GALNT2: variants seen among roughly 807,000 people sequenced by gnomAD.
The protein encoded by GALNT2 is UDP-GalNAc:polypeptide N-acetylgalactosaminyltransferase 2.
Under a neutral mutation model 81.4 loss-of-function variants are expected in GALNT2, and 31 were observed. That is an observed-to-expected ratio of 0.38 (90% CI 0.29 to 0.51). GALNT2 has a LOEUF of 0.51. GALNT2 is among the 20% of genes least tolerant of loss of function. The pLI, the probability that GALNT2 is intolerant of heterozygous loss-of-function variation, is 0.87. For missense variants in GALNT2, 629 were observed against 765.7 expected, an observed-to-expected ratio of 0.82 and a Z score of 2.11; for synonymous variants, 303 against 287.4, an observed-to-expected ratio of 1.05 and a Z score of -0.55.
intron 1 of GALNT2, among the ~76,000 whole-genome samples, chr1:230,075,667 G>A (rs2102747478): frequency 6.6e-6 from 1 of 152,306 alleles, no homozygotes; most frequent in South Asian, 2.1e-4. Context: ...TTGTGGTCTT[G>A]GAGCTTTCAT....
In GALNT2 at chr1:230,072,100, G is replaced by T. The variant is rs149204826; in HGVS notation, c.126+4694G>T. Among the ~76,000 whole-genome samples, 1,325 of 152,160 alleles carry T rather than the reference G, an allele frequency of 8.7e-3. 11 individuals are homozygous for T. The highest frequency in any genetic ancestry group is 0.034 in the South Asian group (162 of 4,802). On this transcript the variant is annotated intron_variant, in intron 1 of 15. Transcript: ENST00000366672. ...TCCCCACCCTAGCTCCTGTTTGGATGAATGATGGGTGAGTGGTTGGTCTCC... is the reference window on the plus strand; with the variant it reads ...TCCCCACCCTAGCTCCTGTTTGGATTAATGATGGGTGAGTGGTTGGTCTCC...
At chr1:230,263,094 G>A in intron 13 of GALNT2, 89 bp downstream of exon 13, 1 of 1,108,512 alleles carries the variant, frequency 9.0e-7, no homozygotes, top group Non-Finnish European at 1.4e-6. Context: ...TGGAGGTGGG[G>A]CTGCAGGCAT....
chr1:230,218,562 C>G (rs1288954928), intron 3 of GALNT2, among the ~76,000 whole-genome samples: 2 of 152,128 alleles, frequency 1.3e-5, no homozygotes, highest in African/African-American at 4.8e-5. Context: ...AGCTGCTATT[C>G]AGGAAGCATT....
chr1:230,201,538 T>C (rs1274010392), intron 2 of GALNT2, among the ~76,000 whole-genome samples: 2 of 152,196 alleles, frequency 1.3e-5, no homozygotes, highest in Non-Finnish European at 2.9e-5. Flanking sequence ...GGATTTCTGT[T>C]GGGAAAGTAG....
intron 1 of GALNT2, among the ~76,000 whole-genome samples, chr1:230,114,444 G>A (rs756768302): frequency 6.6e-5 from 10 of 152,204 alleles, no homozygotes; most frequent in Non-Finnish European, 8.8e-5. Flanking sequence ...ATGGGCAGAC[G>A]TTTCCCACAC....
intron 11 of GALNT2, 64 bp from the exon 12 acceptor site, chr1:230,262,509 T>C: frequency 2.1e-6 from 3 of 1,404,180 alleles, no homozygotes; most frequent in Admixed American, 3.4e-5. Flanking sequence ...AGCAGACAGG[T>C]GCAAATGGAG....
At position 230,067,257 on chromosome 1, in the gene GALNT2, C is replaced by T. The variant is rs1432278915; in HGVS notation, c.-24C>T. On this transcript the variant is annotated 5_prime_UTR_variant, in exon 1 of 16. Coordinates refer to ENST00000366672, the MANE Select transcript of GALNT2 (RefSeq NM_004481.5). ...GGCAGCACTCGCGAGCAGCGGCGGC[C>T]CCGCCGGCGGCCGAGTTGGGAGAAT... The T allele has an allele frequency of 8.6e-6, 11 of 1,282,162 alleles. No homozygotes were observed. Among genetic ancestry groups the T allele is most frequent in the Non-Finnish European group, 1.1e-5 (11 of 1,006,988 alleles). 79.4% of individuals were successfully genotyped at this position (1,282,162 alleles called of 1,614,324 possible).
At chr1:230,103,435 A>G (rs1340003916) in intron 1 of GALNT2, among the ~76,000 whole-genome samples, 1 of 152,242 alleles carries the variant, frequency 6.6e-6, no homozygotes, top group Non-Finnish European at 1.5e-5. Context: ...TTCCTGCAGC[A>G]GCCCCCCTTT....
intron 1 of GALNT2, among the ~76,000 whole-genome samples, chr1:230,149,696 T>G (rs954364211): frequency 6.6e-6 from 1 of 152,188 alleles, no homozygotes; most frequent in African/African-American, 2.4e-5. Flanking sequence ...GTTTTATGCC[T>G]CAGCCATGTA....
In GALNT2 at chr1:230,163,209, G is replaced by T. The variant is rs377137528; in HGVS notation, c.127-15009G>T. On this transcript the variant is annotated intron_variant, in intron 1 of 15. Transcript: ENST00000366672. ...ACAACAAACTTTTGTCAAAGGAATT[G>T]TTAAATCCCCCAACCTTCATGTGCA... Among the ~76,000 whole-genome samples, 60 of 152,284 alleles carry T rather than the reference G, an allele frequency of 3.9e-4. 1 individual carries two copies. In the South Asian group the frequency reaches 5.8e-3, roughly 15 times the overall value.
At chr1:230,062,982 C>G (rs887273720), upstream of GALNT2, among the ~76,000 whole-genome samples, 4 of 152,180 alleles carry the variant, frequency 2.6e-5, no homozygotes, top group Non-Finnish European at 5.9e-5. Flanking sequence ...TCTACATCCT[C>G]ACCAACACTT....
At chr1:230,129,668 C>A (rs1661305848) in intron 1 of GALNT2, among the ~76,000 whole-genome samples, 1 of 152,126 alleles carries the variant, frequency 6.6e-6, no homozygotes, top group South Asian at 2.1e-4. Context: ...AGGGTCCTTA[C>A]TTTTTTTCCC....
chr1:230,137,426 G>A (rs1013547821), intron 1 of GALNT2, among the ~76,000 whole-genome samples: 4 of 152,196 alleles, frequency 2.6e-5, no homozygotes, highest in Admixed American at 2.6e-4. Context: ...GAGCCTGCAG[G>A]CTGCAGTGGC....
In GALNT2 at chr1:230,271,093, G is replaced by T. The variant is rs1666148956; in HGVS notation, c.1441-3352G>T. Among the ~76,000 whole-genome samples, 1 of 152,190 alleles carries T rather than the reference G, an allele frequency of 6.6e-6. No individual in the cohort carries two copies. Among genetic ancestry groups the T allele is most frequent in the Non-Finnish European group, 1.5e-5 (1 of 68,044 alleles). On this transcript the variant is annotated intron_variant, in intron 14 of 15. Transcript: ENST00000366672. This position sits in a 1 kb window ranked among gnomAD's most constrained non-coding sequence, Gnocchi z 4.2. ...CAGTCTGGAACCCTTCTCCATACCA[G>T]CGTTGTCCCTCTTACTCAGGACTCT...
upstream of GALNT2, among the ~76,000 whole-genome samples, chr1:230,063,631 G>C (rs1003298720): frequency 6.6e-6 from 1 of 152,134 alleles, no homozygotes; most frequent in African/African-American, 2.4e-5. Flanking sequence ...ATTGTCTAAA[G>C]TTTAATCTCT....
intron 3 of GALNT2, among the ~76,000 whole-genome samples, chr1:230,229,107 G>GT (rs545751384): frequency 3.2e-4 from 49 of 152,290 alleles, no homozygotes; most frequent in Non-Finnish European, 6.0e-4. Context: ...CAGGGTCACA[G>GT]TTTGAAAACT....
At chr1:230,161,391 G>A (rs1017441553) in intron 1 of GALNT2, among the ~76,000 whole-genome samples, 11 of 152,296 alleles carry the variant, frequency 7.2e-5, no homozygotes, top group African/African-American at 2.4e-4. Context: ...TCCTTGCCTC[G>A]TGGTTGCTGG....
intron 8 of GALNT2, among the ~76,000 whole-genome samples, chr1:230,248,505 C>CA (rs35629872): frequency 4.9e-4 from 74 of 152,338 alleles, no homozygotes; most frequent in African/African-American, 1.6e-3. Context: ...TGAGGCCCTG[C>CA]AGATGCCCAC....
chr1:230,280,865 A>T lies in GALNT2; in HGVS notation c.*1407A>T, dbSNP rs1666419848. The T allele has an allele frequency of 6.6e-6, 1 of 152,292 alleles. No individual in the cohort carries two copies. The highest frequency in any genetic ancestry group is 2.4e-5 in the African/African-American group (1 of 41,460). 9.4% of individuals were successfully genotyped at this position (152,292 alleles called of 1,614,324 possible). On this transcript the variant is annotated 3_prime_UTR_variant, in exon 16 of 16. Transcript: ENST00000366672. ...GGGTCCTGTTAAACCACAGACAGTT[A>T]TGAACTGAAAGTCATAACGGGGAGA...
Sources: gnomAD v4.1 joint callset for allele counts (sites outside exome capture counted in the v4.1 genomes callset) on GRCh38, gnomAD v4.1.1 for gene constraint, Gnocchi (gnomAD v3.1) non-coding constraint, MANE v1.5 for transcripts, NCBI Gene and HGNC (gene_info 2026-07-23, HGNC 2026-07-21) for gene names.